FAT1: variants seen among roughly 807,000 people sequenced by gnomAD.
FAT1 encodes the protein FAT atypical cadherin 1.
A neutral mutation model predicts 329.8 loss-of-function variants in FAT1; 171 were observed. The observed-to-expected ratio is 0.52, with a 90% CI of 0.46 to 0.59. The LOEUF (loss-of-function observed/expected upper bound fraction) is 0.59, where lower values mean the gene tolerates loss of function less well. Among genes scored for constraint, FAT1 ranks in the 20% least tolerant of loss-of-function variants. The pLI, the probability that FAT1 is intolerant of heterozygous loss-of-function variation, is 0.00. For synonymous variants in FAT1, 2,233 were observed against 2,228.6 expected (o/e 1.00, Z -0.06); for missense variants, 5,672 against 5,774.4 (o/e 0.98, Z 0.57).
intron 13 of FAT1, among the ~76,000 whole-genome samples, chr4:186,612,888 T>G (rs368091922): frequency 3.3e-5 from 5 of 152,346 alleles, no homozygotes; most frequent in East Asian, 1.9e-4. Context: ...ACCAGAATTT[T>G]AGAGACCTCA....
intron 2 of FAT1, among the ~76,000 whole-genome samples, chr4:186,674,790 T>C (rs2126636612): frequency 6.6e-6 from 1 of 152,238 alleles, no homozygotes; most frequent in African/African-American, 2.4e-5. Context: ...TCCCAACACT[T>C]TGGAAGGCTG....
At position 186,620,124 on chromosome 4, in the gene FAT1, C is replaced by A. The variant is rs750399375; in HGVS notation, c.6462G>T (p.Val2154=). 6.2e-7 allele frequency: 1 copy of A among 1,613,980 alleles called. No homozygotes were observed. The highest frequency in any genetic ancestry group is 8.5e-7 in the Non-Finnish European group (1 of 1,179,888). ...DTLNKEYLVT[V]VAKDGGNPAF... Reference sequence around the variant, plus strand: ...CCGGGTTCCCTCCATCTTTTGCAACCACTGTAACAAGATATTCTTTATTTA... The same window carrying A: ...CCGGGTTCCCTCCATCTTTTGCAACAACTGTAACAAGATATTCTTTATTTA... Residue 2154 remains valine (V), a synonymous_variant, in exon 10 of 27, where the codon GTG becomes GTT. Transcript: ENST00000441802.
At chr4:186,627,750 G>C (rs1342347947) in intron 9 of FAT1, among the ~76,000 whole-genome samples, 4 of 152,212 alleles carry the variant, frequency 2.6e-5, no homozygotes, top group African/African-American at 9.7e-5. Context: ...CTCTGCTCAA[G>C]AGAAAATACT....
At position 186,603,707 on chromosome 4, in the gene FAT1, T is replaced by C. The variant is rs1317972827; in HGVS notation, c.10819A>G (p.Ile3607Val). Residue 3607 changes from isoleucine to valine, a missense_variant, in exon 19 of 27, where the codon ATA becomes GTA. Around this residue, in one of 2 missense-constraint regions of FAT1, gnomAD observed 1,706 missense variants for 1,859.1 expected, o/e 0.92. Coordinates refer to ENST00000441802, the MANE Select transcript of FAT1 (RefSeq NM_005245.4). ...CTGACATTGAGAAGGTATTGCCCTA[T>C]GTCTAGCTTTTTGTGTGCTATCAGC... ...GKLIAHKKLD[I>V]GQYLLNVSVT... The C allele has an allele frequency of 1.9e-6, 3 of 1,614,000 alleles. No individual in the cohort carries two copies. Among genetic ancestry groups the C allele is most frequent in the East Asian group, 4.5e-5 (2 of 44,868 alleles).
At chr4:186,594,780 AT>A (rs1738422685) in intron 26 of FAT1, among the ~76,000 whole-genome samples, 1 of 149,506 alleles carries the variant, frequency 6.7e-6, no homozygotes, top group South Asian at 2.1e-4. Flanking sequence ...GACTATATGG[AT>A]TTATGGACTA....
rs1055236004 is a variant in FAT1 at position 186,723,650 on chromosome 4, C to T, written c.-19+14G>A. 1 of 151,514 alleles carries T rather than the reference C, an allele frequency of 6.6e-6. No individual in the cohort carries two copies. Among genetic ancestry groups the T allele is most frequent in the Non-Finnish European group, 1.5e-5 (1 of 67,950 alleles). The allele number at this position is 151,514 out of a possible 1,614,324, so 9.4% of individuals were successfully genotyped here. On this transcript the variant is annotated intron_variant, in intron 1 of 26. Transcript: ENST00000441802. The stretch of plus-strand genomic sequence containing the variant: ...CTCGCCCCCGCCCGCCGGCCCGCGC[C>T]CCAGCGAACTAACCGCAAAGTTGGC...
intron 22 of FAT1, 41 bp from the exon 23 acceptor site, chr4:186,598,166 T>A (rs2126403964): frequency 6.4e-7 from 1 of 1,553,548 alleles, no homozygotes; most frequent in Non-Finnish European, 8.7e-7. Flanking sequence ...TATCACTCAA[T>A]GACTCAGAAA....
At chr4:186,600,534 T>C (rs1205003699) in intron 21 of FAT1, among the ~76,000 whole-genome samples, 174 bp from the exon 22 acceptor site, 1 of 152,218 alleles carries the variant, frequency 6.6e-6, no homozygotes, top group African/African-American at 2.4e-5. Context: ...AAAATGCGTC[T>C]TTTAGGAATA....
At chr4:186,601,689 C>T (rs1738827559) in intron 20 of FAT1, 2 of 299,534 alleles carry the variant, frequency 6.7e-6, no homozygotes, top group Non-Finnish European at 1.2e-5. Flanking sequence ...TAAAAATGTT[C>T]AGTATAAAAT....
At chr4:186,590,756 A>G (rs1425897089) in intron 26 of FAT1, 3 of 442,080 alleles carry the variant, frequency 6.8e-6, no homozygotes, top group East Asian at 1.4e-4. Flanking sequence ...CTAATAAAAT[A>G]TAAACTGATC....
Position 186,619,662 on chromosome 4 carries a change from G to T in FAT1, c.6924C>A (p.Thr2308=), listed in dbSNP as rs747992421. 1 of 1,613,920 alleles carries T rather than the reference G, an allele frequency of 6.2e-7. No homozygotes were observed. Among genetic ancestry groups the T allele is most frequent in the Non-Finnish European group, 8.5e-7 (1 of 1,179,882 alleles). Reference sequence around the variant, plus strand: ...CTCTATTTGGTTCTGAATCAGAATCGGTGGCTCTAACTTGAACAACAGACG... The same window carrying T: ...CTCTATTTGGTTCTGAATCAGAATCTGTGGCTCTAACTTGAACAACAGACG... ...IGTSVVQVRA[T]DSDSEPNRGI... is the part of the protein sequence containing the mutation. Residue 2308 remains threonine, a synonymous_variant, in exon 10 of 27, where the codon ACC becomes ACA. Transcript: ENST00000441802.
rs1739867667 is a variant in FAT1, at chr4:186,618,862, C to T, written c.7724G>A (p.Gly2575Glu). ...SVRLMAKDAG[G>E]KVAFCTVNVI... ...ATTCACGGTGCAGAAAGCAACTTTT[C>T]CTCCAGCATCCTTAGCCATTAAACG... The change falls in exon 10 of 27, where the codon GGA becomes GAA. Residue 2575 changes from glycine (G) to glutamate (E), a missense_variant. Gly to Glu is a moderately conservative substitution (Grantham distance 98). Coordinates refer to ENST00000441802, the MANE Select transcript of FAT1 (RefSeq NM_005245.4). The T allele has an allele frequency of 1.9e-6, 3 of 1,613,888 alleles. No individual in the cohort carries two copies. The highest frequency in any genetic ancestry group is 1.1e-5 in the South Asian group (1 of 91,088).
rs375478149 is a variant in FAT1, at chr4:186,708,448, G to C, written c.1380C>G (p.Pro460=). 1 of 1,613,952 alleles carries C rather than the reference G, an allele frequency of 6.2e-7. No homozygotes were observed. The highest frequency in any genetic ancestry group is 2.2e-5 in the East Asian group (1 of 44,868). The change falls in exon 2 of 27, where the codon CCC becomes CCG. Residue 460 remains proline (P), a synonymous_variant. Transcript: ENST00000441802. Reference sequence around the variant, plus strand: ...TGTACGCTGTCTGGGTAAATTCAGGGGGATTGCTATTTGCACCTAAGACTT... The same window carrying C: ...TGTACGCTGTCTGGGTAAATTCAGGCGGATTGCTATTTGCACCTAAGACTT... ...LVKVLGANSN[P]PEFTQTAYKA... is the part of the protein sequence containing the mutation.
In FAT1 at chr4:186,620,318, C is replaced by G. The variant is rs1326655948; in HGVS notation, c.6268G>C (p.Val2090Leu). ...TGGCCCACCTCAGTGTCCACTTTAA[C>G]AACGGCGTAGTAGGGAAGGTTGACA... ...VFVNLPYYAVVKVDTEVGHVI... is the reference protein window; with the variant it reads ...VFVNLPYYAVLKVDTEVGHVI... The change falls in exon 10 of 27, where the codon GTT (valine) becomes CTT (leucine). Residue 2090 changes from valine to leucine, a missense_variant. By Grantham distance (32) the Val-to-Leu change is conservative (BLOSUM62 1). Coordinates refer to ENST00000441802, the MANE Select transcript of FAT1 (RefSeq NM_005245.4). 6.2e-7 allele frequency: 1 copy of G among 1,614,022 alleles called. No homozygotes were observed. Among genetic ancestry groups the G allele is most frequent in the Non-Finnish European group, 8.5e-7 (1 of 1,179,904 alleles).
intron 3 of FAT1, among the ~76,000 whole-genome samples, chr4:186,647,944 A>G (rs970502587): frequency 6.6e-6 from 1 of 152,162 alleles, no homozygotes; most frequent in African/African-American, 2.4e-5. Context: ...AAGGACAATT[A>G]CAATAAAACA....
chr4:186,664,039 G>A (rs1413451157), intron 2 of FAT1, among the ~76,000 whole-genome samples: 1 of 152,080 alleles, frequency 6.6e-6, no homozygotes, highest in African/African-American at 2.4e-5. Flanking sequence ...AGGCTACTCA[G>A]GAAGACAGGG....
intron 22 of FAT1, among the ~76,000 whole-genome samples, chr4:186,599,696 G>A (rs1199868944): frequency 1.3e-5 from 2 of 152,176 alleles, no homozygotes; most frequent in African/African-American, 4.8e-5. Context: ...GGGAGCCGTG[G>A]TACCTGCAGC....
chr4:186,647,678 C>T (rs35548320), intron 3 of FAT1, among the ~76,000 whole-genome samples: 15,019 of 152,104 alleles, frequency 0.099, 1,406 homozygotes, highest in East Asian at 0.46. Context: ...GCACGCACTT[C>T]AGATACATAC....
rs531115252 is a variant in FAT1, at chr4:186,611,927, A to AG, written c.9464-153_9464-152insC. ...CAACCTCTGTCCCCCAGGTTCAAGC[A>AG]ATTCTCCTGCCTCAGCCTCCCGAGT... is the stretch of plus-strand genomic sequence containing the variant. On this transcript the variant is annotated intron_variant, in intron 13 of 26. Transcript: ENST00000441802. 6.1e-4 allele frequency among the ~76,000 whole-genome samples: 93 copies of AG among 151,268 alleles called. 1 individual carries two copies. In the East Asian group the frequency reaches 0.017, roughly 27 times the overall value.
Sources: gnomAD v4.1 joint callset for allele counts (sites outside exome capture counted in the v4.1 genomes callset) on GRCh38, gnomAD v4.1.1 for gene constraint, gnomAD v4.1.1 regional missense constraint, MANE v1.5 for transcripts, NCBI Gene and HGNC (gene_info 2026-07-23, HGNC 2026-07-21) for gene names.